LRRC72: variants seen among roughly 807,000 people sequenced by gnomAD.
LRRC72 encodes the protein leucine rich repeat containing 72.
A neutral mutation model predicts 35.8 loss-of-function variants in LRRC72; 41 were observed. The observed-to-expected ratio is 1.15, with a 90% confidence interval of 0.89 to 1.49. The LOEUF is 1.49. Ranked by LOEUF, LRRC72 falls within the 40% of genes most tolerant of loss-of-function variation. LRRC72 has a pLI of 0.00. For synonymous variants in LRRC72, 118 were observed against 119.2 expected (o/e 0.99, Z 0.07); for missense variants, 389 against 330.7 (o/e 1.18, Z -1.37).
chr7:16,561,212 C>A (rs1019656129), intron 5 of LRRC72, among the ~76,000 whole-genome samples: 1 of 152,036 alleles, frequency 6.6e-6, no homozygotes, highest in African/African-American at 2.4e-5. Flanking sequence ...ATAGGGCTTA[C>A]AAATTAGTAA....
chr7:16,532,291 C>A (rs192900866), intron 1 of LRRC72, among the ~76,000 whole-genome samples: 1 of 151,812 alleles, frequency 6.6e-6, no homozygotes, highest in Non-Finnish European at 1.5e-5. Flanking sequence ...ACATCTGTGC[C>A]CAGGATTAAG....
chr7:16,550,434 C>A (rs925514815), intron 3 of LRRC72, among the ~76,000 whole-genome samples: 1 of 152,130 alleles, frequency 6.6e-6, no homozygotes, highest in African/African-American at 2.4e-5. Flanking sequence ...GAAACTTGCA[C>A]ACAGTAGTCA....
At chr7:16,529,358 A>C (rs1193417141) in intron 1 of LRRC72, among the ~76,000 whole-genome samples, 1 of 152,050 alleles carries the variant, frequency 6.6e-6, no homozygotes, top group Non-Finnish European at 1.5e-5. Context: ...TGTGCCCTGA[A>C]ATCTTCCAGC....
intron 3 of LRRC72, among the ~76,000 whole-genome samples, chr7:16,552,843 G>A (rs555932801): frequency 3.5e-4 from 53 of 152,146 alleles, no homozygotes; most frequent in Non-Finnish European, 6.3e-4. Context: ...CTGAACGTTA[G>A]TAAAGTGCAG....
At position 16,530,805 on chromosome 7, in the gene LRRC72, A is replaced by G. The variant is rs137959585; in HGVS notation, c.91-1690A>G. On this transcript the variant is annotated intron_variant, in intron 1 of 8. Coordinates refer to ENST00000401542, the MANE Select transcript of LRRC72 (RefSeq NM_001195280.2). ...TTTAACAGATGGCTGCCAAGTTTTA[A>G]TTCTTCTTTGGCTGGGCTATAACCA... 4.9e-4 allele frequency among the ~76,000 whole-genome samples: 74 copies of G among 152,326 alleles called. No individual in the cohort carries two copies. In the East Asian group the frequency reaches 0.013, roughly 27 times the overall value.
intron 1 of LRRC72, among the ~76,000 whole-genome samples, chr7:16,531,337 A>G (rs923015569): frequency 2.0e-5 from 3 of 152,144 alleles, no homozygotes; most frequent in African/African-American, 7.2e-5. Flanking sequence ...GAGCCTATGA[A>G]TGCTCCAAGC....
chr7:16,579,933 C>T, intron 7 of LRRC72, 141 bp from the exon 8 acceptor site: 1 of 189,828 alleles, frequency 5.3e-6, no homozygotes, highest in Non-Finnish European at 1.2e-5. Flanking sequence ...GCATTTTTGA[C>T]AGATTGAACT....
At chr7:16,576,590 A>G (rs1783044569) in intron 7 of LRRC72, among the ~76,000 whole-genome samples, 1 of 152,118 alleles carries the variant, frequency 6.6e-6, no homozygotes, top group African/African-American at 2.4e-5. Flanking sequence ...TCTGGGTTTT[A>G]TTGCATGATA....
Position 16,544,460 on chromosome 7 carries a change from A to C in LRRC72, c.234+6764A>C, listed in dbSNP as rs201042952. 5.9e-5 allele frequency among the ~76,000 whole-genome samples: 9 copies of C among 152,218 alleles called. No homozygotes were observed. In the East Asian group the frequency reaches 1.7e-3, roughly 29 times the overall value. ...GATCATGTTTTCCTAACACCCGCTG[A>C]CATAATTAGTGGGAGGCAGCTGCTC... On this transcript the variant is annotated intron_variant, in intron 3 of 8. Coordinates refer to ENST00000401542, the MANE Select transcript of LRRC72 (RefSeq NM_001195280.2).
chr7:16,539,666 T>C (rs971008594), intron 3 of LRRC72, among the ~76,000 whole-genome samples: 2 of 152,172 alleles, frequency 1.3e-5, no homozygotes, highest in Non-Finnish European at 2.9e-5. Context: ...AGGGCCCCGC[T>C]GCTCTGTGCA....
intron 3 of LRRC72, among the ~76,000 whole-genome samples, chr7:16,544,304 T>G (rs1782407755): frequency 6.6e-6 from 1 of 152,208 alleles, no homozygotes; most frequent in African/African-American, 2.4e-5. Context: ...AGTTTATTTC[T>G]AAGGACCTCC....
intron 7 of LRRC72, among the ~76,000 whole-genome samples, chr7:16,570,507 T>C (rs1426601958): frequency 2.0e-5 from 3 of 152,142 alleles, no homozygotes; most frequent in Non-Finnish European, 4.4e-5. Context: ...AGAAAAAAAC[T>C]GGTTTGTTTA....
chr7:16,580,287 A>G (rs1221130640), intron 8 of LRRC72, among the ~76,000 whole-genome samples, 186 bp downstream of exon 8: 2 of 152,206 alleles, frequency 1.3e-5, no homozygotes, highest in Non-Finnish European at 2.9e-5. Context: ...TATTTGACAT[A>G]TTTGGGCTTT....
chr7:16,543,574 C>T (rs1474616463), intron 3 of LRRC72, among the ~76,000 whole-genome samples: 2 of 152,168 alleles, frequency 1.3e-5, no homozygotes, highest in Non-Finnish European at 2.9e-5. Flanking sequence ...AAATAGGTGG[C>T]CCCACTTAGG....
intron 7 of LRRC72, among the ~76,000 whole-genome samples, chr7:16,569,598 A>C (rs1782907367): frequency 6.6e-6 from 1 of 152,210 alleles, no homozygotes; most frequent in Admixed American, 6.5e-5. Flanking sequence ...AACCTAAAAA[A>C]AGACATCAGA....
chr7:16,566,286 T>C, intron 5 of LRRC72, 27 bp from the exon 6 acceptor site: 1 of 1,417,506 alleles, frequency 7.1e-7, no homozygotes, highest in Non-Finnish European at 9.5e-7. Flanking sequence ...AAATCTGACA[T>C]TTTTATTTTG....
chr7:16,545,855 A>G (rs1411007526), intron 3 of LRRC72, among the ~76,000 whole-genome samples: 1 of 152,200 alleles, frequency 6.6e-6, no homozygotes, highest in Non-Finnish European at 1.5e-5. Flanking sequence ...ACCAAAAAAT[A>G]TAACCTATTT....
At chr7:16,541,615 T>A (rs1322310137) in intron 3 of LRRC72, among the ~76,000 whole-genome samples, 3 of 152,124 alleles carry the variant, frequency 2.0e-5, no homozygotes, top group Non-Finnish European at 4.4e-5. Context: ...AAAACACTTT[T>A]AAAAAAACAT....
chr7:16,542,300 T>G (rs192068120), intron 3 of LRRC72, among the ~76,000 whole-genome samples: 1 of 152,038 alleles, frequency 6.6e-6, no homozygotes, highest in African/African-American at 2.4e-5. Flanking sequence ...TTTGAAGGGG[T>G]GGGGCAGGAA....
Sources: allele counts gnomAD v4.1 joint callset (sites outside exome capture counted in the v4.1 genomes callset), GRCh38; gene constraint gnomAD v4.1.1; transcripts MANE v1.5; gene names NCBI Gene and HGNC (gene_info 2026-07-23, HGNC 2026-07-21).